The following DCPS variants were observed in gnomAD, a reference collection of about 807,000 sequenced individuals.
DCPS encodes the protein decapping enzyme, scavenger.
Under a neutral mutation model 34.7 loss-of-function variants are expected in DCPS, and 27 were observed. That is an observed-to-expected ratio of 0.78 (90% confidence interval 0.57 to 1.07). The LOEUF (loss-of-function observed/expected upper bound fraction) is 1.07. DCPS is among the 50% of genes least tolerant of loss of function. DCPS has a pLI of 0.00. For synonymous variants in DCPS, 185 were observed against 185.7 expected (o/e 1.00, Z 0.03); for missense variants, 464 against 436.9 (o/e 1.06, Z -0.55).
At chr11:126,343,595 T>C (rs527901050) in intron 5 of DCPS, among the ~76,000 whole-genome samples, 178 bp downstream of exon 5, 103 of 152,290 alleles carry the variant, frequency 6.8e-4, no homozygotes, top group African/African-American at 2.3e-3. Context: ...TCTTTGTCCC[T>C]GGTCCTGCCA....
Position 126,319,647 on chromosome 11 carries a change from T to A in DCPS, c.377-11758T>A, listed in dbSNP as rs960772124. Among the ~76,000 whole-genome samples the A allele has an allele frequency of 7.9e-5, 12 of 152,332 alleles. No homozygotes were observed. The highest frequency in any genetic ancestry group is 7.8e-4 in the Admixed American group (12 of 15,298). ...ACCTCATTTTGCCCTCTGGTTTCGC[T>A]GACAGCTGTTTACGTGTCTCTAGGA... On this transcript the variant is annotated intron_variant, in intron 2 of 5. Coordinates refer to ENST00000263579, the MANE Select transcript of DCPS (RefSeq NM_014026.6). This position sits in a 1 kb window ranked among gnomAD's most constrained non-coding sequence, Gnocchi z 4.5.
rs886902698 is a variant in DCPS, at chr11:126,315,031, A to G, written c.376+8287A>G. On this transcript the variant is annotated intron_variant, in intron 2 of 5. Coordinates refer to ENST00000263579, the MANE Select transcript of DCPS (RefSeq NM_014026.6). The surrounding 1 kb of genome is among the most constrained non-coding windows in gnomAD (Gnocchi z 6.1). ...TGCTCTACCGTAAAGACACATGCAC[A>G]CATATGTTCATTGTAGAGCTATTCA... Among the ~76,000 whole-genome samples, 4 of 152,148 alleles carry G rather than the reference A, an allele frequency of 2.6e-5. No individual in the cohort carries two copies. Among genetic ancestry groups the G allele is most frequent in the Non-Finnish European group, 5.9e-5 (4 of 68,032 alleles).
chr11:126,325,385 CTGTGTATA>C lies in DCPS; in HGVS notation c.377-6014_377-6007del, dbSNP rs1951732420. Among the ~76,000 whole-genome samples the C allele has an allele frequency of 6.6e-6, 1 of 151,998 alleles. No individual in the cohort carries two copies. Among genetic ancestry groups the C allele is most frequent in the Non-Finnish European group, 1.5e-5 (1 of 68,006 alleles). On this transcript the variant is annotated intron_variant, in intron 2 of 5. Coordinates refer to ENST00000263579, the MANE Select transcript of DCPS (RefSeq NM_014026.6). The surrounding 1 kb of genome is among the most constrained non-coding windows in gnomAD (Gnocchi z 4.3). ...TGTGAGGTTGAGGGTTAGGAAGTAT[CTGTGTATA>C]TGTGTGTGTTTGTGCATGTGTGTGC... is the stretch of plus-strand genomic sequence containing the variant.
intron 2 of DCPS, among the ~76,000 whole-genome samples, chr11:126,324,371 A>G (rs1320546153): frequency 6.6e-6 from 1 of 152,068 alleles, no homozygotes; most frequent in Admixed American, 6.6e-5. Flanking sequence ...TGGATTTATA[A>G]TAATAATAAT....
At chr11:126,304,910 G>A (rs772338800) in intron 1 of DCPS, among the ~76,000 whole-genome samples, 1 of 152,126 alleles carries the variant, frequency 6.6e-6, no homozygotes, top group Non-Finnish European at 1.5e-5. Context: ...AGGAGAGATG[G>A]AGACCATTCC....
intron 4 of DCPS, 46 bp from the exon 5 acceptor site, chr11:126,343,233 TGAGAACTCCAGGGTTGGCAGCCTCCCCA>T (rs1352837314): frequency 3.1e-6 from 4 of 1,292,906 alleles, no homozygotes; most frequent in Non-Finnish European, 4.4e-6. Flanking sequence ...CTGGCTTACG[TGAGAACTCCAGGGTTGGCAGCCTCCCCA>T]GGTCTGTTCC....
rs150698290 is a variant in DCPS, at chr11:126,327,820, C to T, written c.377-3585C>T. The stretch of plus-strand genomic sequence containing the variant: ...TACTGAGTGCTTACTGTATGCCAGG[C>T]ACTATTCCAGGTGCTGGGGACAAAT... On this transcript the variant is annotated intron_variant, in intron 2 of 5. Coordinates refer to ENST00000263579, the MANE Select transcript of DCPS (RefSeq NM_014026.6). This position sits in a 1 kb window ranked among gnomAD's most constrained non-coding sequence, Gnocchi z 4.1. Among the ~76,000 whole-genome samples, 193 of 152,344 alleles carry T rather than the reference C, an allele frequency of 1.3e-3. 1 individual carries two copies. The highest frequency in any genetic ancestry group is 2.0e-3 in the Non-Finnish European group (133 of 68,036).
chr11:126,328,993 A>C lies in DCPS; in HGVS notation c.377-2412A>C, dbSNP rs994330245. ...TTACGCCACTAATAAGTGCAGAGCC[A>C]GGACTTGCACCCAGGCTGACTGGCT... On this transcript the variant is annotated intron_variant, in intron 2 of 5. Transcript: ENST00000263579. This position sits in a 1 kb window ranked among gnomAD's most constrained non-coding sequence, Gnocchi z 6.6. Among the ~76,000 whole-genome samples the C allele has an allele frequency of 6.6e-6, 1 of 152,224 alleles. No homozygotes were observed. The highest frequency in any genetic ancestry group is 1.5e-5 in the Non-Finnish European group (1 of 68,036).
rs775194334 is a variant in DCPS at position 126,343,301 on chromosome 11, A to G, written c.637-6A>G. On this transcript the variant is annotated splice_polypyrimidine_tract_variant and splice_region_variant and intron_variant, in intron 4 of 5. Coordinates refer to ENST00000263579, the MANE Select transcript of DCPS (RefSeq NM_014026.6). ...TGAGCCTGGTCTCCCCTTGCTCTCT[A>G]CGCAGCTCGATGACTTGTACTTGAT... 1.0e-4 allele frequency: 161 copies of G among 1,611,372 alleles called. No homozygotes were observed. The highest frequency in any genetic ancestry group is 1.3e-4 in the Non-Finnish European group (151 of 1,178,778).
chr11:126,347,022 G>A lies in DCPS; in HGVS notation c.*1409G>A, dbSNP rs557310234. Reference sequence around the variant, plus strand: ...GGAGAATCCCTTGAACCCGGGAGGCGGAGGTTGCCGTGAGCCACCGCACTT... The same window carrying A: ...GGAGAATCCCTTGAACCCGGGAGGCAGAGGTTGCCGTGAGCCACCGCACTT... On this transcript the variant is annotated 3_prime_UTR_variant, in exon 6 of 6. Coordinates refer to ENST00000263579, the MANE Select transcript of DCPS (RefSeq NM_014026.6). This position sits in a 1 kb window ranked among gnomAD's most constrained non-coding sequence, Gnocchi z 4.2. 9.2e-5 allele frequency among the ~76,000 whole-genome samples: 14 copies of A among 151,940 alleles called. No homozygotes were observed. The East Asian group carries it at 1.8e-3, about 19-fold the overall frequency.
Position 126,312,703 on chromosome 11 carries a change from A to T in DCPS, c.376+5959A>T, listed in dbSNP as rs531519819. Among the ~76,000 whole-genome samples, 1 of 152,262 alleles carries T rather than the reference A, an allele frequency of 6.6e-6. No individual in the cohort carries two copies. The highest frequency in any genetic ancestry group is 1.5e-5 in the Non-Finnish European group (1 of 68,018). On this transcript the variant is annotated intron_variant, in intron 2 of 5. Transcript: ENST00000263579. The surrounding 1 kb of genome is among the most constrained non-coding windows in gnomAD (Gnocchi z 5.1). ...ATTGACTTCATGGCCACTGTCCTGG[A>T]TTAGGACCCATTAAGAGAAGGTGTA...
At position 126,335,927 on chromosome 11, in the gene DCPS, A is replaced by C. The variant is rs1467527128; in HGVS notation, c.523-2359A>C. ...TGTGAAACTCCGTCTCAGAAAAAACAAAAAACAAAAACCAACAAAAAAACC... is the reference window on the plus strand; with the variant it reads ...TGTGAAACTCCGTCTCAGAAAAAACCAAAAACAAAAACCAACAAAAAAACC... On this transcript the variant is annotated intron_variant, in intron 3 of 5. Transcript: ENST00000263579. The surrounding 1 kb of genome is among the most constrained non-coding windows in gnomAD (Gnocchi z 4.8). 6.6e-6 allele frequency among the ~76,000 whole-genome samples: 1 copy of C among 151,974 alleles called. No individual in the cohort carries two copies. The highest frequency in any genetic ancestry group is 1.5e-5 in the Non-Finnish European group (1 of 67,982).
Position 126,338,513 on chromosome 11 carries a change from C to A in DCPS, c.636+114C>A. 2 of 981,272 alleles carry A rather than the reference C, an allele frequency of 2.0e-6. No homozygotes were observed. The highest frequency in any genetic ancestry group is 1.4e-5 in the South Asian group (1 of 70,318). The allele number at this position is 981,272 out of a possible 1,614,324, so 60.8% of individuals were successfully genotyped here. A position where few individuals can be genotyped will look rare whatever the true frequency, so the allele number is the denominator to read the frequency against. On this transcript the variant is annotated intron_variant, in intron 4 of 5. Coordinates refer to ENST00000263579, the MANE Select transcript of DCPS (RefSeq NM_014026.6). The surrounding 1 kb of genome is among the most constrained non-coding windows in gnomAD (Gnocchi z 5.4). ...TGTCTCTAAGCAGATTATAATTAAC[C>A]AACAAGGGTTGGCCTGAGCTCTCTG...
chr11:126,317,405 T>G (rs1230960677), intron 2 of DCPS, among the ~76,000 whole-genome samples: 2 of 152,182 alleles, frequency 1.3e-5, no homozygotes, highest in African/African-American at 4.8e-5. Context: ...TTGCTCTTTT[T>G]TTTTTTTTAT....
At chr11:126,339,199 A>G (rs1258748895) in intron 4 of DCPS, among the ~76,000 whole-genome samples, 1 of 152,194 alleles carries the variant, frequency 6.6e-6, no homozygotes, top group African/African-American at 2.4e-5. Context: ...GGGCCTGGAT[A>G]AGGCCGAGGT....
chr11:126,347,116 T>C lies in DCPS; in HGVS notation c.*1503T>C, dbSNP rs1330555087. On this transcript the variant is annotated 3_prime_UTR_variant, in exon 6 of 6. Coordinates refer to ENST00000263579, the MANE Select transcript of DCPS (RefSeq NM_014026.6). The surrounding 1 kb of genome is among the most constrained non-coding windows in gnomAD (Gnocchi z 4.2). ...TAAAAAAATAGAAACAGCCGGGGAGTGGAGGGTGTGGTCAGAAAGCCTCAG... is the reference window on the plus strand; with the variant it reads ...TAAAAAAATAGAAACAGCCGGGGAGCGGAGGGTGTGGTCAGAAAGCCTCAG... 2.0e-5 allele frequency among the ~76,000 whole-genome samples: 3 copies of C among 149,136 alleles called. No homozygotes were observed. Among genetic ancestry groups the C allele is most frequent in the African/African-American group, 5.0e-5 (2 of 40,322 alleles).
In DCPS at chr11:126,304,128, C is replaced by A. The variant is rs141030550; in HGVS notation, c.48C>A (p.Asp16Glu). The A allele has an allele frequency of 1.9e-6, 3 of 1,613,810 alleles. No homozygotes were observed. Among genetic ancestry groups the A allele is most frequent in the Non-Finnish European group, 8.5e-7 (1 of 1,179,950 alleles). Residue 16 changes from aspartate to glutamate, a missense_variant, in exon 1 of 6, where the codon GAC (aspartate) becomes GAA (glutamate). Coordinates refer to ENST00000263579, the MANE Select transcript of DCPS (RefSeq NM_014026.6). ...TAGGCAAGAGGAAGCGCGAATTGGACGTGGAGGAGGCCCACGCCGCCAGCA... is the reference window on the plus strand; with the variant it reads ...TAGGCAAGAGGAAGCGCGAATTGGAAGTGGAGGAGGCCCACGCCGCCAGCA... ...PQLGKRKREL[D>E]VEEAHAASTE...
chr11:126,321,998 G>T (rs1951709950), intron 2 of DCPS, among the ~76,000 whole-genome samples: 1 of 152,140 alleles, frequency 6.6e-6, no homozygotes, highest in Non-Finnish European at 1.5e-5. Flanking sequence ...ATATCCAAAT[G>T]GGTGTTGCAG....
At position 126,335,132 on chromosome 11, in the gene DCPS, T is replaced by C. The variant is rs1951822745; in HGVS notation, c.523-3154T>C. Among the ~76,000 whole-genome samples, 1 of 152,188 alleles carries C rather than the reference T, an allele frequency of 6.6e-6. No homozygotes were observed. Among genetic ancestry groups the C allele is most frequent in the South Asian group, 2.1e-4 (1 of 4,834 alleles). Reference sequence around the variant, plus strand: ...CAGCAATGGGCAGAGCTAAGACACCTGGGAGACGTGGCCAGGCCACACATG... The same window carrying C: ...CAGCAATGGGCAGAGCTAAGACACCCGGGAGACGTGGCCAGGCCACACATG... On this transcript the variant is annotated intron_variant, in intron 3 of 5. Transcript: ENST00000263579. This position sits in a 1 kb window ranked among gnomAD's most constrained non-coding sequence, Gnocchi z 4.8.
Sources: allele counts gnomAD v4.1 joint callset (sites outside exome capture counted in the v4.1 genomes callset), GRCh38; gene constraint gnomAD v4.1.1; non-coding constraint Gnocchi (gnomAD v3.1); transcripts MANE v1.5; gene names NCBI Gene and HGNC (gene_info 2026-07-23, HGNC 2026-07-21).